TBL1XR1: variants seen among roughly 807,000 people sequenced by gnomAD.
TBL1XR1 encodes TBL1X/Y related 1.
A neutral mutation model predicts 66.9 loss-of-function variants in TBL1XR1; 5 were observed. The ratio of observed to expected loss-of-function variants is 0.07; its 90% CI spans 0.04 to 0.16. The LOEUF (loss-of-function observed/expected upper bound fraction) is 0.16, where lower values mean the gene tolerates loss of function less well. Ranked by LOEUF, TBL1XR1 falls within the 10% of genes least tolerant of loss-of-function variation. The pLI is 1.00. For synonymous variants in TBL1XR1, 210 were observed against 206.0 expected, an observed-to-expected ratio of 1.02 and a Z score of -0.17; for missense variants, 238 against 623.2, an observed-to-expected ratio of 0.38 and a Z score of 6.58.
chr3:177,032,855 A>T, intron 14 of TBL1XR1, 116 bp downstream of exon 14: 1 of 851,236 alleles, frequency 1.2e-6, no homozygotes, highest in Non-Finnish European at 1.6e-6. Context: ...TTTTAAAACC[A>T]ATAATTCAAT....
At chr3:177,097,631 A>G (rs184526801) in intron 2 of TBL1XR1, among the ~76,000 whole-genome samples, 8 of 152,320 alleles carry the variant, frequency 5.3e-5, no homozygotes, top group Non-Finnish European at 1.2e-4. Context: ...TTTTAAGTAG[A>G]TAAGAATGAC....
intron 3 of TBL1XR1, among the ~76,000 whole-genome samples, chr3:177,063,897 C>G (rs1227801473): frequency 6.6e-6 from 1 of 152,252 alleles, no homozygotes; most frequent in South Asian, 2.1e-4. Flanking sequence ...CCAAAAAATG[C>G]TCAGCACTGA....
intron 1 of TBL1XR1, among the ~76,000 whole-genome samples, chr3:177,161,755 G>A (rs922202616): frequency 1.3e-5 from 2 of 149,686 alleles, no homozygotes; most frequent in Admixed American, 1.3e-4. Flanking sequence ...CTGAACTCCA[G>A]CTTGGGTGAC....
At chr3:177,050,665 G>A in intron 5 of TBL1XR1, 55 bp from the exon 6 acceptor site, 1 of 1,599,268 alleles carries the variant, frequency 6.3e-7, no homozygotes, top group South Asian at 1.1e-5. Flanking sequence ...ACAACATGGT[G>A]GATGGGTGAT....
chr3:177,136,874 C>T (rs896391532), intron 1 of TBL1XR1, among the ~76,000 whole-genome samples: 8 of 152,168 alleles, frequency 5.3e-5, no homozygotes, highest in African/African-American at 1.7e-4. Context: ...CTTTACTATG[C>T]TTCACTAAAG....
intron 2 of TBL1XR1, among the ~76,000 whole-genome samples, chr3:177,088,161 C>T (rs990704677): frequency 1.3e-5 from 2 of 152,008 alleles, no homozygotes; most frequent in African/African-American, 4.8e-5. Context: ...AGTAATTCAC[C>T]ATAACAAGTT....
At chr3:177,131,478 A>T in intron 1 of TBL1XR1, 2 of 780,742 alleles carry the variant, frequency 2.6e-6, no homozygotes, top group Non-Finnish European at 3.1e-6. Flanking sequence ...AAAAAAAACT[A>T]AATTAAAAAA....
At chr3:177,162,657 T>C (rs12485474) in intron 1 of TBL1XR1, among the ~76,000 whole-genome samples, 68,249 of 152,046 alleles carry the variant, frequency 0.45, 17,236 homozygotes, top group Non-Finnish European at 0.56. Context: ...GTTCATTTTA[T>C]TGAAAGTAAA....
chr3:177,056,040 G>A (rs1318104765), intron 3 of TBL1XR1, among the ~76,000 whole-genome samples: 1 of 152,174 alleles, frequency 6.6e-6, no homozygotes, highest in Non-Finnish European at 1.5e-5. Flanking sequence ...GGGAGAGAGT[G>A]AGCTCCTGTT....
intron 1 of TBL1XR1, among the ~76,000 whole-genome samples, chr3:177,113,247 G>A (rs1007502434): frequency 6.6e-6 from 1 of 152,016 alleles, no homozygotes; most frequent in Non-Finnish European, 1.5e-5. Context: ...TTAAGCATAA[G>A]ACTCAAAACT....
intron 1 of TBL1XR1, among the ~76,000 whole-genome samples, chr3:177,190,586 G>T (rs992641584): frequency 1.3e-5 from 2 of 152,144 alleles, no homozygotes; most frequent in African/African-American, 4.8e-5. Flanking sequence ...CCAAAGTGCA[G>T]AGATTACAGG....
At position 177,090,453 on chromosome 3, in the gene TBL1XR1, G is replaced by A. The variant is rs193025208; in HGVS notation, c.-46+8013C>T. On this transcript the variant is annotated intron_variant, in intron 2 of 15. Transcript: ENST00000457928. ...CAGCACTTTGGCAGGCTGAGGCCAG[G>A]AGGAGTGCTTGAGCCCAGGAGTTCA... is the stretch of plus-strand genomic sequence containing the variant. 9.8e-4 allele frequency among the ~76,000 whole-genome samples: 149 copies of A among 151,366 alleles called. 2 individuals carry two copies. The highest frequency in any genetic ancestry group is 3.5e-3 in the African/African-American group (144 of 41,184).
intron 1 of TBL1XR1, among the ~76,000 whole-genome samples, chr3:177,194,999 A>G (rs1482582342): frequency 6.6e-6 from 1 of 152,182 alleles, no homozygotes; most frequent in Non-Finnish European, 1.5e-5. Flanking sequence ...AACAATTTTT[A>G]TGCCATTAAC....
At chr3:177,079,258 C>T (rs922634241) in intron 2 of TBL1XR1, among the ~76,000 whole-genome samples, 4 of 151,520 alleles carry the variant, frequency 2.6e-5, no homozygotes, top group Non-Finnish European at 5.9e-5. Flanking sequence ...GGTGAAACCC[C>T]GTCTCCACTA....
At chr3:177,151,077 C>G (rs746261044) in intron 1 of TBL1XR1, among the ~76,000 whole-genome samples, 1 of 152,126 alleles carries the variant, frequency 6.6e-6, no homozygotes, top group African/African-American at 2.4e-5. Flanking sequence ...TTTAAACATG[C>G]TGTTCAACTC....
intron 1 of TBL1XR1, among the ~76,000 whole-genome samples, chr3:177,139,504 C>T (rs1729380431): frequency 6.6e-6 from 1 of 150,504 alleles, no homozygotes; most frequent in Non-Finnish European, 1.5e-5. Flanking sequence ...CACTGTACTC[C>T]AGCCTGGGTG....
intron 1 of TBL1XR1, among the ~76,000 whole-genome samples, chr3:177,115,439 A>G (rs1217446917): frequency 6.6e-6 from 1 of 152,160 alleles, no homozygotes; most frequent in Non-Finnish European, 1.5e-5. Context: ...ACTAGTCATT[A>G]TCATAGTCAT....
intron 2 of TBL1XR1, among the ~76,000 whole-genome samples, chr3:177,070,845 C>CA (rs11425670): frequency 0.016 from 2,364 of 144,894 alleles, 70 homozygotes; most frequent in East Asian, 0.056. Context: ...GACTCCGTCT[C>CA]AAAAAAAAAA....
At chr3:177,142,357 AATT>A (rs1242426796) in intron 1 of TBL1XR1, among the ~76,000 whole-genome samples, 2 of 152,174 alleles carry the variant, frequency 1.3e-5, no homozygotes, top group Non-Finnish European at 2.9e-5. Flanking sequence ...ACCTACTCTT[AATT>A]ACACGCAAAC....
Sources: gnomAD v4.1 joint callset for allele counts (sites outside exome capture counted in the v4.1 genomes callset) on GRCh38, gnomAD v4.1.1 for gene constraint, MANE v1.5 for transcripts, NCBI Gene and HGNC (gene_info 2026-07-23, HGNC 2026-07-21) for gene names.